Variants in NSUN2 observed in about 807,000 individuals in gnomAD.
NSUN2 encodes RNA cytosine C(5)-methyltransferase NSUN2.
A neutral mutation model predicts 92.7 loss-of-function variants in NSUN2; 63 were observed. The observed-to-expected ratio is 0.68, with a 90% confidence interval of 0.56 to 0.84. NSUN2 has a LOEUF of 0.84. NSUN2 is among the 40% of genes least tolerant of loss of function. The probability of loss-of-function intolerance (pLI) is 0.00; values close to 1 mark genes in which losing one functional copy is unlikely to be tolerated. For synonymous variants in NSUN2, 356 were observed against 348.3 expected, an observed-to-expected ratio of 1.02 and a Z score of -0.25; for missense variants, 989 against 964.9, an observed-to-expected ratio of 1.02 and a Z score of -0.33.
intron 9 of NSUN2, among the ~76,000 whole-genome samples, chr5:6,613,934 TAA>T (rs1278322201): frequency 6.6e-6 from 1 of 151,586 alleles, no homozygotes; most frequent in Admixed American, 6.6e-5. Context: ...CCGTCTCTAC[TAA>T]AAATACAAAA....
intron 2 of NSUN2, 25 bp from the exon 3 acceptor site, chr5:6,632,002 A>C: frequency 6.4e-7 from 1 of 1,552,964 alleles, no homozygotes; most frequent in African/African-American, 1.4e-5. Flanking sequence ...GGAAGTTTCA[A>C]ACTGATCTAA....
At position 6,623,198 on chromosome 5, in the gene NSUN2, A is replaced by G. The variant is rs1737526106; in HGVS notation, c.537+16T>C. On this transcript the variant is annotated intron_variant, in intron 5 of 18. Coordinates refer to ENST00000264670, the MANE Select transcript of NSUN2 (RefSeq NM_017755.6). ...ACAAGCTGCCCGCCCCCACGTTTCTAGTTGCTATATGCTACCTTATGATGA... is the reference window on the plus strand; with the variant it reads ...ACAAGCTGCCCGCCCCCACGTTTCTGGTTGCTATATGCTACCTTATGATGA... The G allele has an allele frequency of 6.3e-7, 1 of 1,579,718 alleles. No individual in the cohort carries two copies. The highest frequency in any genetic ancestry group is 1.4e-5 in the African/African-American group (1 of 72,896).
chr5:6,606,047 C>T (rs190604746), intron 14 of NSUN2, among the ~76,000 whole-genome samples: 4 of 152,174 alleles, frequency 2.6e-5, no homozygotes, highest in Admixed American at 2.0e-4. Flanking sequence ...AGTAAGTGAC[C>T]GCCCTGGTAA....
intron 9 of NSUN2, among the ~76,000 whole-genome samples, chr5:6,614,093 CG>C (rs145015056): frequency 0.3 from 11,288 of 37,978 alleles, 3,522 homozygotes; most frequent in Middle Eastern, 0.43. Context: ...GAGACTGTCT[CG>C]GAAAAAAAAA....
intron 4 of NSUN2, among the ~76,000 whole-genome samples, chr5:6,624,383 C>G (rs774268295): frequency 1.3e-5 from 2 of 152,144 alleles, no homozygotes; most frequent in African/African-American, 4.8e-5. Context: ...GCTCTCATCA[C>G]GCTGACTCCT....
chr5:6,623,304 A>T lies in NSUN2; in HGVS notation c.466-19T>A. ...TATTTCCCTTGAGGAAAAAAAAAAA[A>T]TCAGCAACAATTAGGAAAAAAAAAA... On this transcript the variant is annotated intron_variant, in intron 4 of 18. Transcript: ENST00000264670. 6.5e-7 allele frequency: 1 copy of T among 1,537,648 alleles called. No homozygotes were observed. The highest frequency in any genetic ancestry group is 8.7e-7 in the Non-Finnish European group (1 of 1,155,728).
At chr5:6,608,044 GAAGT>G (rs1262667988) in intron 12 of NSUN2, among the ~76,000 whole-genome samples, 3 of 152,292 alleles carry the variant, frequency 2.0e-5, no homozygotes, top group African/African-American at 4.8e-5. Context: ...CAGTCCCTAT[GAAGT>G]AAGTTTAAAA....
chr5:6,604,487 G>C, intron 16 of NSUN2, 118 bp downstream of exon 16: 1 of 1,015,562 alleles, frequency 9.8e-7, no homozygotes. Context: ...CAAGTGGCTG[G>C]TAGGTGCCAG....
intron 9 of NSUN2, among the ~76,000 whole-genome samples, chr5:6,612,216 G>A (rs963218374): frequency 4.6e-5 from 7 of 152,316 alleles, no homozygotes; most frequent in African/African-American, 1.4e-4. Flanking sequence ...GACTAACTCC[G>A]CAAGAAGACA....
At chr5:6,604,751 C>G in intron 15 of NSUN2, 66 bp from the exon 16 acceptor site, 1 of 1,336,302 alleles carries the variant, frequency 7.5e-7, no homozygotes, top group Non-Finnish European at 1.1e-6. Flanking sequence ...GTAAGGATGC[C>G]GGGCCACATG....
intron 3 of NSUN2, among the ~76,000 whole-genome samples, chr5:6,627,427 A>C (rs982747063): frequency 6.6e-6 from 1 of 152,250 alleles, no homozygotes; most frequent in Non-Finnish European, 1.5e-5. Flanking sequence ...CTAAGACATC[A>C]ATATGAACAC....
intron 11 of NSUN2, among the ~76,000 whole-genome samples, chr5:6,610,373 T>C (rs1003705106): frequency 4.0e-5 from 6 of 150,006 alleles, no homozygotes; most frequent in African/African-American, 1.5e-4. Flanking sequence ...CCACTGCACC[T>C]GGCCCACTTT....
chr5:6,631,257 CT>C (rs1320025459), intron 3 of NSUN2, among the ~76,000 whole-genome samples: 1 of 152,196 alleles, frequency 6.6e-6, no homozygotes, highest in African/African-American at 2.4e-5. Flanking sequence ...TTACAAGATG[CT>C]ATCAGCACAA....
intron 14 of NSUN2, among the ~76,000 whole-genome samples, chr5:6,605,671 A>G (rs1382866294): frequency 6.6e-6 from 1 of 151,960 alleles, no homozygotes; most frequent in Non-Finnish European, 1.5e-5. Flanking sequence ...TACTCCAATG[A>G]TAATGACCTG....
chr5:6,631,746 A>G (rs1737906025), intron 3 of NSUN2, 127 bp downstream of exon 3: 3 of 697,490 alleles, frequency 4.3e-6, no homozygotes, highest in Admixed American at 4.8e-5. Context: ...CAGGTACTAG[A>G]ACATTAGGAT....
In NSUN2 at chr5:6,616,759, G is replaced by A; in HGVS notation, c.989C>T (p.Ala330Val). Residue 330 changes from alanine to valine, a missense_variant, in exon 9 of 19, where the codon GCA becomes GTA. Ala to Val is a moderately conservative substitution (Grantham distance 64). Around this residue, in one of 3 missense-constraint regions of NSUN2, gnomAD observed 626 missense variants for 602.3 expected, o/e 1.04. Coordinates refer to ENST00000264670, the MANE Select transcript of NSUN2 (RefSeq NM_017755.6). ...TTTTTCCAGTAAAGATGCTATGACT[G>A]CTTCATCCTCAATAGGGTTTAGTGA... The part of the protein sequence containing the change: ...TCSLNPIEDE[A>V]VIASLLEKSE... 6.6e-7 allele frequency: 1 copy of A among 1,513,688 alleles called. No homozygotes were observed. The highest frequency in any genetic ancestry group is 8.8e-7 in the Non-Finnish European group (1 of 1,132,416). The allele number at this position is 1,513,688 out of a possible 1,614,324, so 93.8% of individuals were successfully genotyped here.
At chr5:6,623,191 C>G in intron 5 of NSUN2, 23 bp downstream of exon 5, 1 of 1,576,238 alleles carries the variant, frequency 6.3e-7, no homozygotes, top group Non-Finnish European at 8.6e-7. Context: ...CCCGCCCCCA[C>G]GTTTCTAGTT....
chr5:6,627,172 G>A (rs1174462614), intron 3 of NSUN2, among the ~76,000 whole-genome samples: 1 of 152,116 alleles, frequency 6.6e-6, no homozygotes, highest in African/African-American at 2.4e-5. Context: ...AAAGCCAAAA[G>A]AAAATCATAT....
At chr5:6,632,859 C>T in intron 1 of NSUN2, 25 bp downstream of exon 1, 1 of 1,538,788 alleles carries the variant, frequency 6.5e-7, no homozygotes, top group Non-Finnish European at 8.7e-7. Flanking sequence ...AGCCCCTGGC[C>T]CGCCCGCCGG....
Sources: gnomAD v4.1 joint callset for allele counts (sites outside exome capture counted in the v4.1 genomes callset) on GRCh38, gnomAD v4.1.1 for gene constraint, gnomAD v4.1.1 regional missense constraint, MANE v1.5 for transcripts, NCBI Gene and HGNC (gene_info 2026-07-23, HGNC 2026-07-21) for gene names.